The following TNKS variants were observed in gnomAD, a reference collection of about 807,000 sequenced individuals.
TNKS encodes the protein tankyrase, also known as poly [ADP-ribose] polymerase tankyrase-1.
TNKS carries 72 observed loss-of-function variants against 135.8 expected under a neutral mutation model. That is an observed-to-expected ratio of 0.53 (90% CI 0.44 to 0.64). The LOEUF is 0.64. TNKS is among the 30% of genes least tolerant of loss of function. TNKS has a pLI of 0.00. For missense variants in TNKS, 1,769 were observed against 1,674.0 expected (o/e 1.06, Z -0.99); for synonymous variants, 849 against 649.3 (o/e 1.31, Z -4.68).
chr8:9,681,811 T>G (rs1274938905), intron 5 of TNKS, among the ~76,000 whole-genome samples: 1 of 152,166 alleles, frequency 6.6e-6, no homozygotes. Flanking sequence ...TTTTTCTCTA[T>G]TTTAATGAAA....
intron 11 of TNKS, among the ~76,000 whole-genome samples, chr8:9,714,873 G>T (rs569377946): frequency 3.3e-5 from 5 of 152,310 alleles, no homozygotes; most frequent in African/African-American, 1.2e-4. Flanking sequence ...CCAGCAGTTG[G>T]AAAGACAGCA....
At chr8:9,556,677 G>T in intron 1 of TNKS, 65 bp downstream of exon 1, 1 of 1,583,042 alleles carries the variant, frequency 6.3e-7, no homozygotes, top group Non-Finnish European at 8.6e-7. Context: ...GTTAGGACAA[G>T]AAAACAGGTT....
Position 9,779,959 on chromosome 8 carries a change from A to G in TNKS, c.*3223A>G, listed in dbSNP as rs1357975254. ...CTTATACTTCTTTGAGCTTGATGTT[A>G]GTGGCTAGACTGATTTCCCTTTGCT... On this transcript the variant is annotated 3_prime_UTR_variant, in exon 27 of 27. Transcript: ENST00000310430. 2 of 152,242 alleles carry G rather than the reference A, an allele frequency of 1.3e-5. No individual in the cohort carries two copies. Among genetic ancestry groups the G allele is most frequent in the Admixed American group, 1.3e-4 (2 of 15,284 alleles). 9.4% of individuals were successfully genotyped at this position (152,242 alleles called of 1,614,324 possible). A position where few individuals can be genotyped will look rare whatever the true frequency, so the allele number is the denominator to read the frequency against.
chr8:9,771,286 A>T, intron 26 of TNKS, among the ~76,000 whole-genome samples: 2 of 125,398 alleles, frequency 1.6e-5, no homozygotes, highest in African/African-American at 6.1e-5. Flanking sequence ...AGAGCGAGGA[A>T]GGGAGGGAGG....
intron 2 of TNKS, 93 bp from the exon 3 acceptor site, chr8:9,615,489 A>G: frequency 3.2e-6 from 3 of 934,992 alleles, no homozygotes; most frequent in Non-Finnish European, 4.6e-6. Context: ...TGTGCAATGT[A>G]TGTTTATGCC....
chr8:9,743,866 A>G (rs888003713), intron 17 of TNKS, among the ~76,000 whole-genome samples: 1 of 152,228 alleles, frequency 6.6e-6, no homozygotes, highest in Non-Finnish European at 1.5e-5. Context: ...AATAATCTAT[A>G]TATTTGACTG....
chr8:9,642,621 G>A (rs957309106), intron 3 of TNKS, among the ~76,000 whole-genome samples: 4 of 145,972 alleles, frequency 2.7e-5, no homozygotes, highest in African/African-American at 1.0e-4. Context: ...CTTGAAATAA[G>A]ATTTTAGTTT....
chr8:9,667,349 A>T (rs886591540), intron 3 of TNKS, among the ~76,000 whole-genome samples: 1 of 152,230 alleles, frequency 6.6e-6, no homozygotes, highest in Non-Finnish European at 1.5e-5. Flanking sequence ...ATTGTGATTT[A>T]TAGGAACCAG....
intron 20 of TNKS, among the ~76,000 whole-genome samples, chr8:9,756,955 T>A (rs1220822708): frequency 6.6e-6 from 1 of 151,778 alleles, no homozygotes; most frequent in Non-Finnish European, 1.5e-5. Flanking sequence ...TTGGTATACT[T>A]TTTTTGTTTT....
intron 1 of TNKS, among the ~76,000 whole-genome samples, chr8:9,570,228 C>T (rs1489906908): frequency 6.6e-6 from 1 of 151,896 alleles, no homozygotes; most frequent in African/African-American, 2.4e-5. Flanking sequence ...TTGCTTGAGC[C>T]CAGGAGTTTG....
chr8:9,745,825 A>T (rs1806207400), intron 17 of TNKS, among the ~76,000 whole-genome samples: 1 of 152,166 alleles, frequency 6.6e-6, no homozygotes, highest in Non-Finnish European at 1.5e-5. Context: ...CTTTGTTTTC[A>T]GAAACTACTA....
Position 9,735,204 on chromosome 8 carries a change from G to A in TNKS, c.2533+120G>A, listed in dbSNP as rs1805635737. On this transcript the variant is annotated intron_variant, in intron 16 of 26. Coordinates refer to ENST00000310430, the MANE Select transcript of TNKS (RefSeq NM_003747.3). Reference sequence around the variant, plus strand: ...ACTACTTAGTAAAATGCTCTTGATTGACATAGTTTTGTATAATTTCTTATT... The same window carrying A: ...ACTACTTAGTAAAATGCTCTTGATTAACATAGTTTTGTATAATTTCTTATT... 3.4e-6 allele frequency: 4 copies of A among 1,160,144 alleles called. No homozygotes were observed. In the South Asian group the frequency reaches 4.8e-5, roughly 14 times the overall value. The allele number at this position is 1,160,144 out of a possible 1,614,324, so 71.9% of individuals were successfully genotyped here.
At chr8:9,562,346 A>G (rs1797371814) in intron 1 of TNKS, among the ~76,000 whole-genome samples, 1 of 152,062 alleles carries the variant, frequency 6.6e-6, no homozygotes, top group African/African-American at 2.4e-5. Flanking sequence ...TAATTTATAT[A>G]TTTATTTTAT....
At chr8:9,752,959 T>C (rs1466118384) in intron 20 of TNKS, among the ~76,000 whole-genome samples, 1 of 142,452 alleles carries the variant, frequency 7.0e-6, no homozygotes, top group African/African-American at 2.7e-5. Context: ...AACAAAACCC[T>C]ATCTCGAAAA....
At chr8:9,567,739 C>G (rs1797603600) in intron 1 of TNKS, among the ~76,000 whole-genome samples, 1 of 152,100 alleles carries the variant, frequency 6.6e-6, no homozygotes, top group African/African-American at 2.4e-5. Flanking sequence ...CTTTAAAAGA[C>G]TATATAGAGT....
At chr8:9,683,716 G>A (rs1802875651) in intron 5 of TNKS, among the ~76,000 whole-genome samples, 2 of 151,846 alleles carry the variant, frequency 1.3e-5, no homozygotes, top group Non-Finnish European at 2.9e-5. Flanking sequence ...ATTATACAAT[G>A]AGAGTGTAAA....
intron 3 of TNKS, among the ~76,000 whole-genome samples, chr8:9,654,189 C>T (rs934166427): frequency 1.1e-4 from 17 of 152,302 alleles, no homozygotes; most frequent in Middle Eastern, 3.4e-3. Flanking sequence ...GCACCAGAAT[C>T]ACAAGATCTC....
chr8:9,734,270 A>G (rs1243745718), intron 15 of TNKS, among the ~76,000 whole-genome samples: 1 of 152,218 alleles, frequency 6.6e-6, no homozygotes, highest in Non-Finnish European at 1.5e-5. Flanking sequence ...TGGCCGACCC[A>G]TAATAAAAAT....
At chr8:9,716,092 AT>A (rs934300610) in intron 11 of TNKS, among the ~76,000 whole-genome samples, 2 of 152,154 alleles carry the variant, frequency 1.3e-5, no homozygotes, top group Non-Finnish European at 1.5e-5. Flanking sequence ...ACATGAAGGA[AT>A]TTTTTTGACA....
Sources: allele counts gnomAD v4.1 joint callset (sites outside exome capture counted in the v4.1 genomes callset), GRCh38; gene constraint gnomAD v4.1.1; transcripts MANE v1.5; gene names NCBI Gene and HGNC (gene_info 2026-07-23, HGNC 2026-07-21).